SNTG1: variants seen among roughly 807,000 people sequenced by gnomAD.
SNTG1 encodes the protein gamma-1-syntrophin.
A neutral mutation model predicts 74.7 loss-of-function variants in SNTG1; 39 were observed. That is an observed-to-expected ratio of 0.52 (90% CI 0.40 to 0.68). The LOEUF (loss-of-function observed/expected upper bound fraction) is 0.68, where lower values mean the gene tolerates loss of function less well. SNTG1 is among the 30% of genes least tolerant of loss of function. The pLI is 0.00. For missense variants in SNTG1, 685 were observed against 609.5 expected (o/e 1.12, Z -1.30); for synonymous variants, 254 against 217.1 (o/e 1.17, Z -1.49).
At chr8:50,740,539 T>C (rs2095540702) in intron 17 of SNTG1, among the ~76,000 whole-genome samples, 2 of 152,076 alleles carry the variant, frequency 1.3e-5, no homozygotes, top group Non-Finnish European at 2.9e-5. Context: ...ACCTGGTTGG[T>C]GGGAGTATAA....
At chr8:50,503,004 T>C (rs746348914) in intron 9 of SNTG1, 124 bp downstream of exon 9, 1 of 704,560 alleles carries the variant, frequency 1.4e-6, no homozygotes, top group South Asian at 2.1e-5. Flanking sequence ...AACATTTTTA[T>C]ATTACAAAGT....
At chr8:50,528,105 C>T (rs540406089) in intron 9 of SNTG1, among the ~76,000 whole-genome samples, 15 of 152,022 alleles carry the variant, frequency 9.9e-5, no homozygotes, top group Non-Finnish European at 8.8e-5. Context: ...TTGCTTCTTC[C>T]TTTCCAATCT....
intron 2 of SNTG1, among the ~76,000 whole-genome samples, chr8:50,187,848 A>G (rs2083438125): frequency 6.6e-6 from 1 of 152,192 alleles, no homozygotes; most frequent in Non-Finnish European, 1.5e-5. Context: ...CTGCCCTTCC[A>G]TGATGGAAGT....
intron 1 of SNTG1, among the ~76,000 whole-genome samples, chr8:50,004,135 T>C (rs1814997176): frequency 6.6e-6 from 1 of 152,158 alleles, no homozygotes; most frequent in Admixed American, 6.6e-5. Flanking sequence ...CTACCATTAA[T>C]GATTTTTGTA....
chr8:50,269,340 T>C (rs944198252), intron 2 of SNTG1, among the ~76,000 whole-genome samples: 1 of 152,136 alleles, frequency 6.6e-6, no homozygotes. Context: ...ATATCTAGAA[T>C]ACATAAAGAA....
intron 11 of SNTG1, among the ~76,000 whole-genome samples, chr8:50,538,132 A>C (rs773393198): frequency 6.6e-6 from 1 of 152,116 alleles, no homozygotes; most frequent in Non-Finnish European, 1.5e-5. Context: ...ATCACAGTCT[A>C]CTGGTAACGT....
At chr8:50,225,808 C>T (rs937152628) in intron 2 of SNTG1, among the ~76,000 whole-genome samples, 9 of 152,092 alleles carry the variant, frequency 5.9e-5, no homozygotes, top group African/African-American at 1.9e-4. Context: ...TTTTAGATAA[C>T]AAAGTATTCT....
chr8:49,965,459 A>G (rs974964714), intron 1 of SNTG1, among the ~76,000 whole-genome samples: 1 of 152,296 alleles, frequency 6.6e-6, no homozygotes. Flanking sequence ...TTTGATTCTC[A>G]TGCTTACTCA....
chr8:50,662,162 C>A (rs930920327), intron 15 of SNTG1, among the ~76,000 whole-genome samples: 2 of 152,148 alleles, frequency 1.3e-5, no homozygotes, highest in Admixed American at 1.3e-4. Flanking sequence ...CCCTCTCCTG[C>A]CATGAGGTAT....
intron 1 of SNTG1, among the ~76,000 whole-genome samples, chr8:50,102,811 T>C (rs1257992714): frequency 2.7e-5 from 4 of 150,326 alleles, no homozygotes; most frequent in Non-Finnish European, 1.5e-5. Flanking sequence ...ATTTATTAAA[T>C]AGGGAATCCT....
chr8:50,552,126 T>C (rs1467441372), intron 11 of SNTG1, among the ~76,000 whole-genome samples: 3 of 152,220 alleles, frequency 2.0e-5, no homozygotes, highest in Admixed American at 1.3e-4. Context: ...ACTGTCAAAA[T>C]TGACTGGAAT....
rs533635954 is a variant in SNTG1 at position 50,002,704 on chromosome 8, TAA to T, written c.-103+90476_-103+90477del. Among the ~76,000 whole-genome samples the T allele has an allele frequency of 4.6e-5, 7 of 152,140 alleles. No homozygotes were observed. In the South Asian group the frequency reaches 1.2e-3, roughly 27 times the overall value. Reference sequence around the variant, plus strand: ...ATATGAATGTTGCATAATAACAGAATAAAAGTTACCCTATGATGATATGACCC... The same window carrying T: ...ATATGAATGTTGCATAATAACAGAATAAGTTACCCTATGATGATATGACCC... On this transcript the variant is annotated intron_variant, in intron 1 of 18. Coordinates refer to ENST00000642720, the MANE Select transcript of SNTG1 (RefSeq NM_018967.5).
At chr8:50,735,914 G>A (rs1040868494) in intron 17 of SNTG1, among the ~76,000 whole-genome samples, 4 of 152,102 alleles carry the variant, frequency 2.6e-5, no homozygotes, top group Non-Finnish European at 5.9e-5. Flanking sequence ...CAGACTAACA[G>A]TGGATCTCTC....
chr8:50,615,974 C>G (rs559889360), intron 13 of SNTG1, among the ~76,000 whole-genome samples: 2 of 152,298 alleles, frequency 1.3e-5, no homozygotes, highest in South Asian at 4.1e-4. Context: ...AACAGGCCAG[C>G]AGACAGAAAG....
At chr8:50,527,055 A>ATC (rs2130263564) in intron 9 of SNTG1, among the ~76,000 whole-genome samples, 1 of 152,190 alleles carries the variant, frequency 6.6e-6, no homozygotes, top group African/African-American at 2.4e-5. Flanking sequence ...GTGCAGTGAA[A>ATC]TCTTATTGTA....
chr8:50,435,950 C>T (rs958532813), intron 4 of SNTG1, among the ~76,000 whole-genome samples: 3 of 152,154 alleles, frequency 2.0e-5, no homozygotes, highest in Admixed American at 6.6e-5. Context: ...TTCAAAGAAA[C>T]GGTTTTTGAG....
intron 2 of SNTG1, among the ~76,000 whole-genome samples, chr8:50,269,612 G>A (rs889750354): frequency 6.6e-6 from 1 of 152,030 alleles, no homozygotes; most frequent in African/African-American, 2.4e-5. Flanking sequence ...CAACCTCAAA[G>A]TATGGTACTC....
At chr8:50,291,556 G>A (rs780878959) in intron 2 of SNTG1, among the ~76,000 whole-genome samples, 1 of 152,136 alleles carries the variant, frequency 6.6e-6, no homozygotes, top group Non-Finnish European at 1.5e-5. Context: ...CAGGAAAGTT[G>A]CAGGGCTAGA....
intron 2 of SNTG1, among the ~76,000 whole-genome samples, chr8:50,330,393 T>G (rs1023006451): frequency 3.3e-5 from 5 of 152,140 alleles, no homozygotes; most frequent in African/African-American, 1.2e-4. Context: ...TGTCTTTATT[T>G]GCAGCATGAG....
Sources: allele counts gnomAD v4.1 joint callset (sites outside exome capture counted in the v4.1 genomes callset), GRCh38; gene constraint gnomAD v4.1.1; transcripts MANE v1.5; gene names NCBI Gene and HGNC (gene_info 2026-07-23, HGNC 2026-07-21).